Variants in ZFHX4 observed in about 807,000 individuals in gnomAD.
The protein encoded by ZFHX4 is zinc finger homeobox 4.
In ZFHX4, 56 loss-of-function variants were observed where a neutral mutation model predicts 267.6. The observed-to-expected ratio is 0.21, with a 90% CI of 0.17 to 0.26. The LOEUF (loss-of-function observed/expected upper bound fraction) is 0.26, where lower values mean the gene tolerates loss of function less well. ZFHX4 is among the 10% of genes least tolerant of loss of function. The pLI, the probability that ZFHX4 is intolerant of heterozygous loss-of-function variation, is 1.00. For synonymous variants in ZFHX4, 1,778 were observed against 1,665.6 expected (o/e 1.07, Z -1.64); for missense variants, 4,332 against 4,420.0 (o/e 0.98, Z 0.56).
At chr8:76,830,571 G>T (rs1479173072) in intron 4 of ZFHX4, among the ~76,000 whole-genome samples, 1 of 152,084 alleles carries the variant, frequency 6.6e-6, no homozygotes, top group Non-Finnish European at 1.5e-5. Context: ...TAAGTCAAAA[G>T]CTCCTTTATT....
At chr8:76,768,961 G>A (rs974915621) in intron 3 of ZFHX4, among the ~76,000 whole-genome samples, 1 of 152,146 alleles carries the variant, frequency 6.6e-6, no homozygotes, top group Admixed American at 6.6e-5. Flanking sequence ...AGCTAGGTGT[G>A]GTGGTGCATG....
chr8:76,755,352 G>A (rs764921451), intron 3 of ZFHX4, among the ~76,000 whole-genome samples: 8 of 152,066 alleles, frequency 5.3e-5, no homozygotes, highest in South Asian at 2.1e-4. Context: ...TATTAGTCTC[G>A]TGATTTTTGC....
intron 6 of ZFHX4, among the ~76,000 whole-genome samples, chr8:76,845,052 G>C (rs1284362899): frequency 6.6e-6 from 1 of 152,048 alleles, no homozygotes; most frequent in Non-Finnish European, 1.5e-5. Context: ...ACGTTAGATG[G>C]GAAGTAGTTT....
At chr8:76,712,466 A>C (rs1344745688) in intron 3 of ZFHX4, among the ~76,000 whole-genome samples, 1 of 152,120 alleles carries the variant, frequency 6.6e-6, no homozygotes, top group Non-Finnish European at 1.5e-5. Context: ...TTTTCATTTC[A>C]ATAGGCCTGA....
intron 5 of ZFHX4, 97 bp from the exon 6 acceptor site, chr8:76,842,558 C>A: frequency 1.3e-6 from 1 of 782,970 alleles, no homozygotes; most frequent in Non-Finnish European, 2.0e-6. Context: ...GCAGATGATT[C>A]ATAAATAACA....
intron 3 of ZFHX4, among the ~76,000 whole-genome samples, chr8:76,746,821 C>A (rs751723432): frequency 6.6e-6 from 1 of 152,106 alleles, no homozygotes; most frequent in African/African-American, 2.4e-5. Context: ...AATTGTTCCA[C>A]CTCTCCTTGG....
Position 76,681,525 on chromosome 8 carries a change from C to G in ZFHX4, c.-142C>G. Reference sequence around the variant, plus strand: ...TATTTTTTTTGTTTTTTTAATGAACCCTCTCGTTTTACTTGGATGTGATCA... The same window carrying G: ...TATTTTTTTTGTTTTTTTAATGAACGCTCTCGTTTTACTTGGATGTGATCA... On this transcript the variant is annotated 5_prime_UTR_variant, in exon 1 of 11. Transcript: ENST00000651372. 1 of 397,740 alleles carries G rather than the reference C, an allele frequency of 2.5e-6. No homozygotes were observed. The highest frequency in any genetic ancestry group is 4.4e-6 in the Non-Finnish European group (1 of 225,880). The allele number at this position is 397,740 out of a possible 1,614,324, so 24.6% of individuals were successfully genotyped here. A position where few individuals can be genotyped will look rare whatever the true frequency, so the allele number is the denominator to read the frequency against.
At chr8:76,753,063 T>C (rs1358056466) in intron 3 of ZFHX4, among the ~76,000 whole-genome samples, 1 of 152,162 alleles carries the variant, frequency 6.6e-6, no homozygotes, top group Non-Finnish European at 1.5e-5. Context: ...GCAAATAGGG[T>C]CCATCGTTTT....
At chr8:76,743,665 T>C (rs893045126) in intron 3 of ZFHX4, among the ~76,000 whole-genome samples, 7 of 152,264 alleles carry the variant, frequency 4.6e-5, no homozygotes, top group African/African-American at 1.7e-4. Flanking sequence ...TGATATTTTT[T>C]TAAAAACGAA....
intron 3 of ZFHX4, among the ~76,000 whole-genome samples, chr8:76,740,927 T>C (rs182346712): frequency 6.6e-6 from 1 of 152,284 alleles, no homozygotes; most frequent in African/African-American, 2.4e-5. Flanking sequence ...GATCAGGGGC[T>C]CTGATATAGT....
At chr8:76,814,335 A>G (rs1407707244) in intron 4 of ZFHX4, among the ~76,000 whole-genome samples, 1 of 152,318 alleles carries the variant, frequency 6.6e-6, no homozygotes, top group South Asian at 2.1e-4. Flanking sequence ...TAAATGAAAA[A>G]GTTTTACATC....
At chr8:76,797,316 T>C (rs1811004977) in intron 4 of ZFHX4, among the ~76,000 whole-genome samples, 1 of 152,206 alleles carries the variant, frequency 6.6e-6, no homozygotes, top group Non-Finnish European at 1.5e-5. Flanking sequence ...ACAAGTGTTT[T>C]TAGAAAAGCG....
intron 4 of ZFHX4, among the ~76,000 whole-genome samples, chr8:76,820,556 T>C (rs2131863315): frequency 6.6e-6 from 1 of 152,328 alleles, no homozygotes; most frequent in South Asian, 2.1e-4. Context: ...AGTACCAATT[T>C]GCCACACACT....
intron 1 of ZFHX4, chr8:76,693,546 A>T (rs1481553278): frequency 6.6e-6 from 1 of 152,082 alleles, no homozygotes; most frequent in African/African-American, 2.4e-5. Flanking sequence ...TGCCCTCTTC[A>T]GTTTAGTTGG....
intron 6 of ZFHX4, among the ~76,000 whole-genome samples, chr8:76,846,128 A>G (rs529248195): frequency 1.3e-4 from 20 of 152,192 alleles, no homozygotes; most frequent in African/African-American, 4.6e-4. Flanking sequence ...TTAATTTTCT[A>G]TAATTTACCA....
rs756442971 is a variant in ZFHX4, at chr8:76,849,520, A to G, written c.3654A>G (p.Gln1218=). The G allele has an allele frequency of 1.9e-6, 3 of 1,613,036 alleles. No homozygotes were observed. The highest frequency in any genetic ancestry group is 2.2e-5 in the South Asian group (2 of 91,068). ...DNKFCHEQFY[Q]CPYCNYNSRD... ...TATTCAATATTTTCCAGTTCTATCA[A>G]TGTCCTTATTGTAACTACAATAGTA... The change falls in exon 8 of 11, where the codon CAA becomes CAG. Residue 1218 remains glutamine, a synonymous_variant. Coordinates refer to ENST00000651372, the MANE Select transcript of ZFHX4 (RefSeq NM_024721.5).
Position 76,850,250 on chromosome 8 carries a change from T to A in ZFHX4, c.3852T>A (p.Pro1284=). ...AACCCCTTTGGTTTCCAAAGGTGCC[T>A]GTCCCTGATGTGATGATGCCAAACA... ...DCVEKLLMTV[P]VPDVMMPNSM... is the part of the protein sequence containing the mutation. The change falls in exon 9 of 11, where the codon CCT becomes CCA. Residue 1284 remains proline (P), a synonymous_variant. Coordinates refer to ENST00000651372, the MANE Select transcript of ZFHX4 (RefSeq NM_024721.5). 1 of 1,611,776 alleles carries A rather than the reference T, an allele frequency of 6.2e-7. No homozygotes were observed. The highest frequency in any genetic ancestry group is 8.5e-7 in the Non-Finnish European group (1 of 1,179,108).
intron 1 of ZFHX4, among the ~76,000 whole-genome samples, chr8:76,701,726 A>C (rs1808108129): frequency 6.6e-6 from 1 of 152,188 alleles, no homozygotes; most frequent in Non-Finnish European, 1.5e-5. Context: ...TTCAAATAGC[A>C]TACATAGCTT....
rs1203525861 is a variant in ZFHX4, at chr8:76,705,344, C to T, written c.1256C>T (p.Pro419Leu). ...CTGTCTAGTTTAGTAGTGAACACCC[C>T]AATTACCTCTGTCTCCCTCAGCCAC... ...GGLSSLVVNT[P>L]ITSVSLSHSS... The change falls in exon 2 of 11, where the codon CCA becomes CTA. Residue 419 changes from proline to leucine, a missense_variant. By Grantham distance (98) the Pro-to-Leu change is moderately conservative. Transcript: ENST00000651372. 6.2e-7 allele frequency: 1 copy of T among 1,613,914 alleles called. No homozygotes were observed. Among genetic ancestry groups the T allele is most frequent in the Non-Finnish European group, 8.5e-7 (1 of 1,179,870 alleles).
Sources: gnomAD v4.1 joint callset for allele counts (sites outside exome capture counted in the v4.1 genomes callset) on GRCh38, gnomAD v4.1.1 for gene constraint, MANE v1.5 for transcripts, NCBI Gene and HGNC (gene_info 2026-07-23, HGNC 2026-07-21) for gene names.